SCLT1: variants seen among roughly 807,000 people sequenced by gnomAD.
SCLT1 encodes sodium channel-associated protein 1.
A neutral mutation model predicts 112.8 loss-of-function variants in SCLT1; 78 were observed. That is an observed-to-expected ratio of 0.69 (90% CI 0.58 to 0.83). The LOEUF is 0.83. SCLT1 is among the 40% of genes least tolerant of loss of function. The pLI, the probability that SCLT1 is intolerant of heterozygous loss-of-function variation, is 0.00. For missense variants in SCLT1, 747 were observed against 770.4 expected (o/e 0.97, Z 0.36); for synonymous variants, 257 against 254.7 (o/e 1.01, Z -0.09).
chr4:129,054,136 T>C (rs2125716885), intron 2 of SCLT1, among the ~76,000 whole-genome samples: 1 of 152,330 alleles, frequency 6.6e-6, no homozygotes, highest in East Asian at 1.9e-4. Context: ...TCTAATGGGC[T>C]TCCCTTTGTG....
intron 2 of SCLT1, among the ~76,000 whole-genome samples, chr4:129,080,177 T>C (rs946412450): frequency 6.6e-6 from 1 of 152,246 alleles, no homozygotes; most frequent in Non-Finnish European, 1.5e-5. Flanking sequence ...TTTATTGTCT[T>C]GGGCATTCAG....
intron 1 of SCLT1, among the ~76,000 whole-genome samples, chr4:129,084,767 T>C (rs944829466): frequency 1.3e-5 from 2 of 152,154 alleles, no homozygotes; most frequent in South Asian, 4.1e-4. Flanking sequence ...AAACAAGCAA[T>C]GAGGAAAGAA....
intron 5 of SCLT1, among the ~76,000 whole-genome samples, chr4:129,026,076 C>T (rs542629085): frequency 6.6e-6 from 1 of 152,278 alleles, no homozygotes; most frequent in Admixed American, 6.5e-5. Flanking sequence ...TACAAAGAGA[C>T]TTAGACTCCA....
intron 18 of SCLT1, among the ~76,000 whole-genome samples, chr4:128,893,808 TG>T (rs1733517733): frequency 6.6e-6 from 1 of 152,232 alleles, no homozygotes; most frequent in Admixed American, 6.5e-5. Context: ...CCCAAAGTGT[TG>T]GGATTACAGG....
intron 18 of SCLT1, among the ~76,000 whole-genome samples, chr4:128,904,912 G>T (rs1011468518): frequency 2.0e-5 from 3 of 152,084 alleles, no homozygotes; most frequent in Non-Finnish European, 4.4e-5. Context: ...AGGCGGGTCA[G>T]CGTTAGATAT....
intron 4 of SCLT1, among the ~76,000 whole-genome samples, chr4:129,042,143 G>A (rs1053315728): frequency 1.3e-5 from 2 of 152,092 alleles, no homozygotes; most frequent in Admixed American, 6.6e-5. Context: ...TCCAGGAATT[G>A]GTATCTAAAC....
intron 9 of SCLT1, among the ~76,000 whole-genome samples, chr4:128,984,310 T>C (rs1440325150): frequency 1.3e-5 from 2 of 152,180 alleles, no homozygotes; most frequent in African/African-American, 4.8e-5. Context: ...CTGCTGTGAA[T>C]ACTGTCAGAG....
At chr4:128,873,282 A>AAAAAAAAAG (rs1732340732) in intron 5 of SCLT1, 1 of 145,572 alleles carries the variant, frequency 6.9e-6, no homozygotes, top group Non-Finnish European at 1.5e-5. Context: ...AGAAAAAAAG[A>AAAAAAAAAG]AAAAAAAAAG....
chr4:129,028,630 G>A (rs551521532), intron 5 of SCLT1, among the ~76,000 whole-genome samples: 42 of 152,254 alleles, frequency 2.8e-4, no homozygotes, highest in African/African-American at 9.9e-4. Flanking sequence ...AGGACTTCAT[G>A]TCTAAAACAC....
chr4:128,958,715 C>T (rs1241491626), intron 12 of SCLT1, among the ~76,000 whole-genome samples: 1 of 152,144 alleles, frequency 6.6e-6, no homozygotes, highest in East Asian at 1.9e-4. Context: ...TTGTGTTCCT[C>T]TTAACCATTC....
At chr4:128,952,457 C>A (rs1738838540) in intron 14 of SCLT1, 4 of 494,636 alleles carry the variant, frequency 8.1e-6, no homozygotes, top group Admixed American at 6.9e-5. Context: ...TATATACTTT[C>A]TCTTTCTCCT....
chr4:129,018,547 A>G (rs1745185139), intron 5 of SCLT1, among the ~76,000 whole-genome samples: 1 of 152,220 alleles, frequency 6.6e-6, no homozygotes, highest in Non-Finnish European at 1.5e-5. Flanking sequence ...AAAGGAGATC[A>G]AAATGATCTC....
intron 9 of SCLT1, among the ~76,000 whole-genome samples, chr4:128,973,637 T>A (rs933205159): frequency 1.3e-5 from 2 of 152,176 alleles, no homozygotes; most frequent in African/African-American, 4.8e-5. Flanking sequence ...AATAATTTTA[T>A]GAACAATTAT....
At chr4:128,929,261 T>G (rs1270690820) in intron 18 of SCLT1, among the ~76,000 whole-genome samples, 1 of 152,158 alleles carries the variant, frequency 6.6e-6, no homozygotes, top group Non-Finnish European at 1.5e-5. Flanking sequence ...GACAAAGGTG[T>G]AAGATTTCTA....
rs371314339 is a variant in SCLT1 at position 128,965,296 on chromosome 4, T to C, written c.800A>G (p.His267Arg). Residue 267 changes from histidine to arginine, a missense_variant, in exon 11 of 21, where the codon CAT (histidine) becomes CGT (arginine). His to Arg is a conservative substitution (Grantham distance 29). Coordinates refer to ENST00000281142, the MANE Select transcript of SCLT1 (RefSeq NM_144643.4). ...KKKEKDVVSA[H>R]GREEASDRRL... ...CCTATCTGATGCTTCCTCTCTTCCA[T>C]GGGCAGACACCACATCCTTCTCCTA... 85 of 1,608,830 alleles carry C rather than the reference T, an allele frequency of 5.3e-5. No homozygotes were observed. Among genetic ancestry groups the C allele is most frequent in the Non-Finnish European group, 1.3e-5 (15 of 1,175,530 alleles).
At chr4:128,975,370 C>G (rs1054184380) in intron 9 of SCLT1, among the ~76,000 whole-genome samples, 1 of 151,880 alleles carries the variant, frequency 6.6e-6, no homozygotes, top group African/African-American at 2.4e-5. Context: ...CTTTGTTAAG[C>G]AAAATTTAAT....
At chr4:129,002,331 T>A (rs1022905327) in intron 6 of SCLT1, among the ~76,000 whole-genome samples, 2 of 151,788 alleles carry the variant, frequency 1.3e-5, no homozygotes, top group African/African-American at 4.8e-5. Flanking sequence ...TGAATAAAAT[T>A]CACAAAAAAT....
Position 129,084,302 on chromosome 4 carries a change from A to G in SCLT1, c.35-1929T>C, listed in dbSNP as rs551123741. Among the ~76,000 whole-genome samples, 25 of 152,330 alleles carry G rather than the reference A, an allele frequency of 1.6e-4. 1 individual carries two copies. In the South Asian group the frequency reaches 5.2e-3, roughly 32 times the overall value. ...ATTAATCCAAAAAAACCACAGATAC[A>G]TACTTAAAAATCAATCATGAAGATT... On this transcript the variant is annotated intron_variant, in intron 1 of 20. Coordinates refer to ENST00000281142, the MANE Select transcript of SCLT1 (RefSeq NM_144643.4).
Position 128,927,055 on chromosome 4 carries a change from T to C in SCLT1, c.1829+9600A>G, listed in dbSNP as rs78403350. ...AGGAATAAAGCAAAGATGTCAGAAG[T>C]AGAAAGTACTAAATAATACAATAAA... On this transcript the variant is annotated intron_variant, in intron 18 of 20. Coordinates refer to ENST00000281142, the MANE Select transcript of SCLT1 (RefSeq NM_144643.4). Among the ~76,000 whole-genome samples, 1,067 of 151,672 alleles carry C rather than the reference T, an allele frequency of 7.0e-3. 13 individuals are homozygous for C. The highest frequency in any genetic ancestry group is 0.024 in the African/African-American group (1,011 of 41,344).
Sources: gnomAD v4.1 joint callset for allele counts (sites outside exome capture counted in the v4.1 genomes callset) on GRCh38, gnomAD v4.1.1 for gene constraint, MANE v1.5 for transcripts, NCBI Gene and HGNC (gene_info 2026-07-23, HGNC 2026-07-21) for gene names.